CXCR4: variants seen among roughly 807,000 people sequenced by gnomAD.
The protein encoded by CXCR4 is C-X-C motif chemokine receptor 4.
CXCR4 carries 6 observed loss-of-function variants against 22.4 expected under a neutral mutation model. That is an observed-to-expected ratio of 0.27 (90% CI 0.15 to 0.53). The LOEUF is 0.53. Among genes scored for constraint, CXCR4 ranks in the 20% least tolerant of loss-of-function variants. The pLI, the probability that CXCR4 is intolerant of heterozygous loss-of-function variation, is 0.96. For missense variants in CXCR4, 300 were observed against 430.4 expected, an observed-to-expected ratio of 0.70 and a Z score of 2.68; for synonymous variants, 155 against 171.7, an observed-to-expected ratio of 0.90 and a Z score of 0.76.
chr2:136,115,125 T>C lies in CXCR4; in HGVS notation c.803A>G (p.Glu268Gly). 1 of 1,614,216 alleles carries C rather than the reference T, an allele frequency of 6.2e-7. No individual in the cohort carries two copies. Among genetic ancestry groups the C allele is most frequent in the South Asian group, 1.1e-5 (1 of 91,082 alleles). ...AAACTCACACCCTTGCTTGATGATT[T>C]CCAGGAGGATGAAGGAGTCGATGCT... is the stretch of plus-strand genomic sequence containing the variant. ...GISIDSFILLEIIKQGCEFEN... is the reference protein window; with the variant it reads ...GISIDSFILLGIIKQGCEFEN... The change falls in exon 2 of 2, where the codon GAA (glutamate) becomes GGA (glycine). Residue 268 changes from glutamate (E) to glycine (G), a missense_variant. Glu to Gly is a moderately conservative substitution (Grantham distance 98, BLOSUM62 -2). This residue lies in a region of CXCR4 where 137 missense variants were observed against 153.2 expected (regional missense o/e 0.89). Transcript: ENST00000241393. This position sits in a 1 kb window ranked among gnomAD's most constrained non-coding sequence, Gnocchi z 6.4.
intron 1 of CXCR4, chr2:136,116,118 T>G: frequency 2.0e-6 from 3 of 1,471,890 alleles, no homozygotes; most frequent in Non-Finnish European, 9.0e-7. Context: ...CTTCATTATA[T>G]CCTTCTTTGG....
chr2:136,117,519 A>G (rs1684938539), intron 1 of CXCR4: 1 of 154,884 alleles, frequency 6.5e-6, no homozygotes, highest in South Asian at 1.6e-4. Flanking sequence ...AGAGTTTAAC[A>G]AACACGCACC....
intron 1 of CXCR4, chr2:136,117,746 G>C (rs576441901): frequency 5.0e-6 from 2 of 399,964 alleles, no homozygotes; most frequent in African/African-American, 2.1e-5. Context: ...ATGTTCTTAC[G>C]TTTGCAAACA....
rs772461295 is a variant in CXCR4, at chr2:136,118,065, A to C, written c.-5T>G. Reference sequence around the variant, plus strand: ...ACTTACACTGATCCCCTCCATGGTAACCGCTGGTTCTCCAGATGCGGTGGC... The same window carrying C: ...ACTTACACTGATCCCCTCCATGGTACCCGCTGGTTCTCCAGATGCGGTGGC... On this transcript the variant is annotated 5_prime_UTR_variant, in exon 1 of 2. Coordinates refer to ENST00000241393, the MANE Select transcript of CXCR4 (RefSeq NM_003467.3). The C allele has an allele frequency of 6.2e-7, 1 of 1,613,828 alleles. No individual in the cohort carries two copies. Among genetic ancestry groups the C allele is most frequent in the Non-Finnish European group, 8.5e-7 (1 of 1,179,804 alleles).
At position 136,114,982 on chromosome 2, in the gene CXCR4, C is replaced by G; in HGVS notation, c.946G>C (p.Ala316Pro). The change falls in exon 2 of 2, where the codon GCA (alanine) becomes CCA (proline). Residue 316 changes from alanine (A) to proline (P), a missense_variant. Physicochemically the swap from Ala to Pro is conservative, Grantham distance 27. This residue lies in a region of CXCR4 where 45 missense variants were observed against 89.1 expected (regional missense o/e 0.51). Transcript: ENST00000241393. ...GACCCTCTGCTCACAGAGGTGAGTG[C>G]GTGCTGGGCAGAGGTTTTAAATTTG... ...GAKFKTSAQHALTSVSRGSSL... is the reference protein window; with the variant it reads ...GAKFKTSAQHPLTSVSRGSSL... 6.2e-7 allele frequency: 1 copy of G among 1,614,042 alleles called. No homozygotes were observed. The highest frequency in any genetic ancestry group is 8.5e-7 in the Non-Finnish European group (1 of 1,179,974).
rs753770848 is a variant in CXCR4, at chr2:136,115,658, C to T, written c.270G>A (p.Thr90=). Reference sequence around the variant, plus strand: ...CGGCATCAACTGCCCAGAAGGGAAGCGTGATGACAAAGAGGAGGTCGGCCA... The same window carrying T: ...CGGCATCAACTGCCCAGAAGGGAAGTGTGATGACAAAGAGGAGGTCGGCCA... ...LSVADLLFVI[T]LPFWAVDAVA... is the part of the protein sequence containing the mutation. Residue 90 remains threonine (T), a synonymous_variant, in exon 2 of 2, where the codon ACG becomes ACA. Transcript: ENST00000241393. This position sits in a 1 kb window ranked among gnomAD's most constrained non-coding sequence, Gnocchi z 6.4. The T allele has an allele frequency of 1.4e-5, 22 of 1,614,070 alleles. No individual in the cohort carries two copies. Among genetic ancestry groups the T allele is most frequent in the Middle Eastern group, 1.6e-4 (1 of 6,084 alleles).
In CXCR4 at chr2:136,115,032, G is replaced by A. The variant is rs1379060376; in HGVS notation, c.896C>T (p.Pro299Leu). 6.2e-7 allele frequency: 1 copy of A among 1,614,154 alleles called. No individual in the cohort carries two copies. Residue 299 changes from proline to leucine, a missense_variant, in exon 2 of 2, where the codon CCC (proline) becomes CTC (leucine). Physicochemically the swap from Pro to Leu is moderately conservative, Grantham distance 98. Coordinates refer to ENST00000241393, the MANE Select transcript of CXCR4 (RefSeq NM_003467.3). This position sits in a 1 kb window ranked among gnomAD's most constrained non-coding sequence, Gnocchi z 6.4. Reference protein sequence around the residue: ...ALAFFHCCLNPILYAFLGAKF... With the variant: ...ALAFFHCCLNLILYAFLGAKF... ...GGCTCCAAGGAAAGCATAGAGGATG[G>A]GGTTCAGACAACAGTGGAAGAAAGC...
At chr2:136,118,011 AC>A in intron 1 of CXCR4, 34 bp downstream of exon 1, 1 of 1,610,840 alleles carries the variant, frequency 6.2e-7, no homozygotes, top group Non-Finnish European at 8.5e-7. Flanking sequence ...AAACGTTTGT[AC>A]ATTTATGACA....
At chr2:136,117,283 A>C (rs1267477334) in intron 1 of CXCR4, among the ~76,000 whole-genome samples, 1 of 152,206 alleles carries the variant, frequency 6.6e-6, no homozygotes, top group Non-Finnish European at 1.5e-5. Context: ...TGACCTCTGC[A>C]CGACCCCAAA....
rs753921469 is a variant in CXCR4, at chr2:136,115,288, C to A, written c.640G>T (p.Val214Phe). 8 of 1,614,108 alleles carry A rather than the reference C, an allele frequency of 5.0e-6. No homozygotes were observed. Among genetic ancestry groups the A allele is most frequent in the Non-Finnish European group, 6.8e-6 (8 of 1,180,042 alleles). The change falls in exon 2 of 2, where the codon GTC becomes TTC. Residue 214 changes from valine (V) to phenylalanine (F), a missense_variant. By Grantham distance (50) the Val-to-Phe change is conservative (BLOSUM62 -1). Transcript: ENST00000241393. The surrounding 1 kb of genome is among the most constrained non-coding windows in gnomAD (Gnocchi z 6.4). ...ATAATGCAATAGCAGGACAGGATGACAATACCAGGCAGGATAAGGCCAACC... is the reference window on the plus strand; with the variant it reads ...ATAATGCAATAGCAGGACAGGATGAAAATACCAGGCAGGATAAGGCCAACC... ...IMVGLILPGI[V>F]ILSCYCIIIS...
chr2:136,117,926 C>G, intron 1 of CXCR4, 120 bp downstream of exon 1: 1 of 612,478 alleles, frequency 1.6e-6, no homozygotes, highest in Non-Finnish European at 2.7e-6. Flanking sequence ...TTTCGGTGAC[C>G]CTTTTTTGGA....
At position 136,114,665 on chromosome 2, in the gene CXCR4, G is replaced by A; in HGVS notation, c.*204C>T. The A allele has an allele frequency of 6.4e-6, 3 of 471,340 alleles. No individual in the cohort carries two copies. The highest frequency in any genetic ancestry group is 1.1e-5 in the Non-Finnish European group (3 of 268,626). The allele number at this position is 471,340 out of a possible 1,614,324, so 29.2% of individuals were successfully genotyped here. On this transcript the variant is annotated 3_prime_UTR_variant, in exon 2 of 2. Coordinates refer to ENST00000241393, the MANE Select transcript of CXCR4 (RefSeq NM_003467.3). ...ACAGCAACTAAGAACTTGGCCACAG[G>A]TCCTGCCTAGACACACATCAATATG...
chr2:136,114,583 T>G lies in CXCR4; in HGVS notation c.*286A>C. 1 of 310,660 alleles carries G rather than the reference T, an allele frequency of 3.2e-6. No homozygotes were observed. Among genetic ancestry groups the G allele is most frequent in the East Asian group, 5.2e-5 (1 of 19,354 alleles). 19.2% of individuals were successfully genotyped at this position (310,660 alleles called of 1,614,324 possible). Reference sequence around the variant, plus strand: ...GGGGATCATTTCTAGCTTTACGTGATTCACTACACGCTCTGGAATGTTCAG... The same window carrying G: ...GGGGATCATTTCTAGCTTTACGTGAGTCACTACACGCTCTGGAATGTTCAG... On this transcript the variant is annotated 3_prime_UTR_variant, in exon 2 of 2. Transcript: ENST00000241393.
chr2:136,117,795 GAC>G (rs1684957385), intron 1 of CXCR4: 1 of 501,302 alleles, frequency 2.0e-6, no homozygotes, highest in Non-Finnish European at 3.5e-6. Flanking sequence ...TCAAGGGGGA[GAC>G]ACATGCAGCC....
At chr2:136,117,765 G>T in intron 1 of CXCR4, 1 of 450,190 alleles carries the variant, frequency 2.2e-6, no homozygotes, top group Non-Finnish European at 4.0e-6. Flanking sequence ...CAGCGTGCAA[G>T]CCGCCGCGCG....
chr2:136,117,836 C>G (rs531232368), intron 1 of CXCR4: 18 of 537,540 alleles, frequency 3.3e-5, no homozygotes, highest in African/African-American at 3.1e-4. Flanking sequence ...GTCGTTTCTC[C>G]TCGACTCACA....
At position 136,115,183 on chromosome 2, in the gene CXCR4, A is replaced by G; in HGVS notation, c.745T>C (p.Phe249Leu). 1 of 1,614,230 alleles carries G rather than the reference A, an allele frequency of 6.2e-7. No individual in the cohort carries two copies. Among genetic ancestry groups the G allele is most frequent in the Non-Finnish European group, 8.5e-7 (1 of 1,180,040 alleles). Residue 249 changes from phenylalanine (F) to leucine (L), a missense_variant, in exon 2 of 2, where the codon TTC becomes CTC. By Grantham distance (22) the Phe-to-Leu change is conservative. Coordinates refer to ENST00000241393, the MANE Select transcript of CXCR4 (RefSeq NM_003467.3). This position sits in a 1 kb window ranked among gnomAD's most constrained non-coding sequence, Gnocchi z 6.4. ...KTTVILILAF[F>L]ACWLPYYIGI... ...ATGTAGTAAGGCAGCCAACAGGCGA[A>G]GAAAGCCAGGATGAGGATGACTGTG...
Position 136,114,982 on chromosome 2 carries a change from C to A in CXCR4, c.946G>T (p.Ala316Ser), listed in dbSNP as rs145335491. ...GAKFKTSAQH[A>S]LTSVSRGSSL... Reference sequence around the variant, plus strand: ...GACCCTCTGCTCACAGAGGTGAGTGCGTGCTGGGCAGAGGTTTTAAATTTG... The same window carrying A: ...GACCCTCTGCTCACAGAGGTGAGTGAGTGCTGGGCAGAGGTTTTAAATTTG... Residue 316 changes from alanine (A) to serine (S), a missense_variant, in exon 2 of 2, where the codon GCA (alanine) becomes TCA (serine). By Grantham distance (99) the Ala-to-Ser change is moderately conservative. Coordinates refer to ENST00000241393, the MANE Select transcript of CXCR4 (RefSeq NM_003467.3). The A allele has an allele frequency of 3.1e-6, 5 of 1,613,924 alleles. No homozygotes were observed. The highest frequency in any genetic ancestry group is 8.5e-7 in the Non-Finnish European group (1 of 1,179,982).
chr2:136,117,614 GC>G, intron 1 of CXCR4: 1 of 167,366 alleles, frequency 6.0e-6, no homozygotes. Context: ...CAGGCACGCC[GC>G]CCTCCGCCTC....
Sources: allele counts gnomAD v4.1 joint callset (sites outside exome capture counted in the v4.1 genomes callset), GRCh38; gene constraint gnomAD v4.1.1; regional missense constraint gnomAD v4.1.1; non-coding constraint Gnocchi (gnomAD v3.1); transcripts MANE v1.5; gene names NCBI Gene and HGNC (gene_info 2026-07-23, HGNC 2026-07-21).